CMIP: variants seen among roughly 807,000 people sequenced by gnomAD.
CMIP encodes C-Maf-inducing protein.
CMIP carries 13 observed loss-of-function variants against 97.3 expected under a neutral mutation model. The ratio of observed to expected loss-of-function variants is 0.13; its 90% CI spans 0.09 to 0.21. CMIP has a LOEUF of 0.21. Ranked by LOEUF, CMIP falls within the 10% of genes least tolerant of loss-of-function variation. The pLI is 1.00. For missense variants in CMIP, 847 were observed against 1,024.9 expected, an observed-to-expected ratio of 0.83 and a Z score of 2.37; for synonymous variants, 538 against 436.3, an observed-to-expected ratio of 1.23 and a Z score of -2.91.
intron 1 of CMIP, among the ~76,000 whole-genome samples, chr16:81,585,658 G>T (rs1002307535): frequency 4.9e-5 from 7 of 143,602 alleles, no homozygotes; most frequent in African/African-American, 7.5e-5. Flanking sequence ...AAATTTAACG[G>T]CAGACACCGC....
intron 3 of CMIP, among the ~76,000 whole-genome samples, chr16:81,641,809 A>C (rs1489130200): frequency 1.3e-5 from 2 of 152,194 alleles, no homozygotes; most frequent in East Asian, 1.9e-4. Context: ...GGCGAGGCTC[A>C]ACTCTCCGAT....
At chr16:81,702,753 G>A (rs776839651) in intron 17 of CMIP, 84 bp downstream of exon 17, 14 of 1,240,966 alleles carry the variant, frequency 1.1e-5, no homozygotes, top group Admixed American at 3.8e-5. Context: ...GGTGTCTGCT[G>A]CTGAGATGGG....
chr16:81,665,820 C>T (rs531041133), intron 7 of CMIP: 1 of 152,074 alleles, frequency 6.6e-6, no homozygotes, highest in African/African-American at 2.4e-5. Flanking sequence ...AATTATAGCA[C>T]TCTTTCTGTA....
intron 12 of CMIP, 50 bp from the exon 13 acceptor site, chr16:81,693,389 C>G: frequency 6.3e-7 from 1 of 1,591,172 alleles, no homozygotes; most frequent in South Asian, 1.1e-5. Context: ...CCACACCTCC[C>G]ACTCAGTTCC....
intron 1 of CMIP, among the ~76,000 whole-genome samples, chr16:81,483,314 G>T (rs1213961843): frequency 6.8e-5 from 8 of 117,308 alleles, no homozygotes; most frequent in Non-Finnish European, 8.9e-5. Flanking sequence ...CCCTGGGGCA[G>T]CAATTTACCT....
chr16:81,483,594 CCTCTT>C (rs749466732), intron 1 of CMIP, among the ~76,000 whole-genome samples: 3,101 of 147,818 alleles, frequency 0.021, 37 homozygotes, highest in Middle Eastern at 0.035. Context: ...TCTTCCTCTT[CCTCTT>C]CCTCTCCCTC....
intron 1 of CMIP, among the ~76,000 whole-genome samples, chr16:81,599,493 C>T (rs1051082683): frequency 1.3e-5 from 2 of 152,218 alleles, no homozygotes; most frequent in South Asian, 2.1e-4. Flanking sequence ...GGACCTGCTG[C>T]GTGGGGTAGC....
At chr16:81,452,430 A>G (rs1906274048) in intron 1 of CMIP, among the ~76,000 whole-genome samples, 1 of 152,190 alleles carries the variant, frequency 6.6e-6, no homozygotes, top group African/African-American at 2.4e-5. Context: ...ACTCGGAAGA[A>G]AACAGGAGCC....
At chr16:81,489,977 A>C (rs557827378) in intron 1 of CMIP, among the ~76,000 whole-genome samples, 37 of 152,308 alleles carry the variant, frequency 2.4e-4, no homozygotes, top group African/African-American at 8.7e-4. Flanking sequence ...GATTCTTGAT[A>C]TCTTCTCAGT....
At chr16:81,660,756 ATGAT>A in intron 5 of CMIP, 124 bp from the exon 6 acceptor site, 1 of 962,486 alleles carries the variant, frequency 1.0e-6, no homozygotes, top group South Asian at 1.4e-5. Context: ...TTTAATATGA[ATGAT>A]GTGATGCAGG....
intron 1 of CMIP, among the ~76,000 whole-genome samples, chr16:81,545,610 T>G (rs757993817): frequency 6.6e-5 from 10 of 152,142 alleles, no homozygotes; most frequent in Non-Finnish European, 1.2e-4. Context: ...AGTGACTTGG[T>G]CCAGACCACA....
At chr16:81,495,557 C>G (rs2089475160) in intron 1 of CMIP, 1 of 1,561,714 alleles carries the variant, frequency 6.4e-7, no homozygotes, top group East Asian at 2.3e-5. Context: ...ACCTCGCCTG[C>G]TGCTGCTGGC....
intron 1 of CMIP, among the ~76,000 whole-genome samples, chr16:81,535,073 C>T (rs1191756492): frequency 6.6e-6 from 1 of 152,144 alleles, no homozygotes; most frequent in Non-Finnish European, 1.5e-5. Flanking sequence ...GCCTCAGCCT[C>T]CTGAGTAGCT....
intron 3 of CMIP, among the ~76,000 whole-genome samples, chr16:81,650,882 C>T (rs2092420288): frequency 6.6e-6 from 1 of 152,188 alleles, no homozygotes; most frequent in Admixed American, 6.5e-5. Context: ...CTCAGGTCCA[C>T]CTCCCGTCCC....
intron 1 of CMIP, among the ~76,000 whole-genome samples, chr16:81,516,076 A>G (rs74029168): frequency 0.012 from 1,821 of 152,174 alleles, 32 homozygotes; most frequent in African/African-American, 0.042. Flanking sequence ...GGGTTGCTCC[A>G]TTGCCCCCGT....
chr16:81,668,922 A>AC (rs2092643153), intron 7 of CMIP, among the ~76,000 whole-genome samples: 1 of 112,824 alleles, frequency 8.9e-6, no homozygotes, highest in Non-Finnish European at 1.8e-5. Context: ...CCCACCTCAC[A>AC]CTCACGGCCT....
At chr16:81,579,496 C>G (rs1195240274) in intron 1 of CMIP, among the ~76,000 whole-genome samples, 1 of 152,170 alleles carries the variant, frequency 6.6e-6, no homozygotes, top group Non-Finnish European at 1.5e-5. Flanking sequence ...TGAAGGAAAC[C>G]AGCAGAACCC....
At chr16:81,552,087 G>GAC (rs889873720) in intron 1 of CMIP, among the ~76,000 whole-genome samples, 24 of 152,306 alleles carry the variant, frequency 1.6e-4, no homozygotes, top group African/African-American at 5.8e-4. Context: ...CTTTAGGAGG[G>GAC]ACTTGTGTGA....
At chr16:81,594,474 T>G (rs2091517821) in intron 1 of CMIP, among the ~76,000 whole-genome samples, 1 of 151,822 alleles carries the variant, frequency 6.6e-6, no homozygotes, top group South Asian at 2.1e-4. Context: ...TTGGGTTGAT[T>G]TCACCGTACA....
Sources: allele counts gnomAD v4.1 joint callset (sites outside exome capture counted in the v4.1 genomes callset), GRCh38; gene constraint gnomAD v4.1.1; transcripts MANE v1.5; gene names NCBI Gene and HGNC (gene_info 2026-07-23, HGNC 2026-07-21).